Variants in ALDH1A2 observed in about 807,000 individuals in gnomAD.
ALDH1A2 encodes aldehyde dehydrogenase 1 family member A2.
ALDH1A2 carries 27 observed loss-of-function variants against 60.3 expected under a neutral mutation model. The observed-to-expected ratio is 0.45, with a 90% confidence interval of 0.33 to 0.62. The LOEUF (loss-of-function observed/expected upper bound fraction) is 0.62, where lower values mean the gene tolerates loss of function less well. ALDH1A2 is among the 20% of genes least tolerant of loss of function. ALDH1A2 has a pLI of 0.02. For synonymous variants in ALDH1A2, 289 were observed against 232.4 expected (o/e 1.24, Z -2.21); for missense variants, 581 against 643.8 (o/e 0.90, Z 1.06).
chr15:58,045,113 A>C (rs112754014), intron 1 of ALDH1A2, among the ~76,000 whole-genome samples: 8 of 152,140 alleles, frequency 5.3e-5, no homozygotes, highest in African/African-American at 1.9e-4. Context: ...TCTCGAAAGA[A>C]GACATTTATG....
Position 58,065,531 on chromosome 15 carries a change from T to C in ALDH1A2, c.117+3A>G, listed in dbSNP as rs1378275778. On this transcript the variant is annotated splice_donor_region_variant and intron_variant, in intron 1 of 12. Coordinates refer to ENST00000249750, the MANE Select transcript of ALDH1A2 (RefSeq NM_003888.4). ...GGACGACGGGCGCTGGGCGGCCGCT[T>C]ACCTTGGTGTACTTAATTTCGAGAT... 1.9e-6 allele frequency: 3 copies of C among 1,611,520 alleles called. No individual in the cohort carries two copies. The highest frequency in any genetic ancestry group is 1.7e-5 in the Admixed American group (1 of 60,012).
At position 57,963,915 on chromosome 15, in the gene ALDH1A2, G is replaced by A; in HGVS notation, c.1056C>T (p.Pro352=). ...ERAKRRVVGS[P]FDPTTEQGPQ... ...GACCCTGCTCAGTGGTGGGGTCAAA[G>A]GGACTCCCCACTACGCGCCTCTTGG... The change falls in exon 9 of 13, where the codon CCC becomes CCT. Residue 352 remains proline (P), a synonymous_variant. Coordinates refer to ENST00000249750, the MANE Select transcript of ALDH1A2 (RefSeq NM_003888.4). 2 of 1,614,158 alleles carry A rather than the reference G, an allele frequency of 1.2e-6. No homozygotes were observed. Among genetic ancestry groups the A allele is most frequent in the Admixed American group, 1.7e-5 (1 of 60,016 alleles).
chr15:58,000,899 G>A (rs1385853226), intron 4 of ALDH1A2, among the ~76,000 whole-genome samples: 15 of 151,772 alleles, frequency 9.9e-5, no homozygotes, highest in African/African-American at 3.4e-4. Context: ...GTATTATGAT[G>A]CCCTATGGTT....
At chr15:58,039,214 T>G (rs1397367770) in intron 1 of ALDH1A2, among the ~76,000 whole-genome samples, 1 of 151,770 alleles carries the variant, frequency 6.6e-6, no homozygotes, top group African/African-American at 2.4e-5. Flanking sequence ...CGATGACACA[T>G]AGCAAGAACC....
rs541582193 is a variant in ALDH1A2, at chr15:57,973,457, C to T, written c.799-7630G>A. ...AGGTCCCATCTCCCTAAGGTAATCA[C>T]AGCAGAAGCCATGTTCTAATCCATA... On this transcript the variant is annotated intron_variant, in intron 7 of 12. Coordinates refer to ENST00000249750, the MANE Select transcript of ALDH1A2 (RefSeq NM_003888.4). 2.6e-5 allele frequency among the ~76,000 whole-genome samples: 4 copies of T among 152,312 alleles called. No individual in the cohort carries two copies. The East Asian group carries it at 7.7e-4, about 29-fold the overall frequency.
chr15:58,019,733 A>G (rs1202043927), intron 1 of ALDH1A2, among the ~76,000 whole-genome samples: 2 of 152,212 alleles, frequency 1.3e-5, no homozygotes, highest in African/African-American at 4.8e-5. Context: ...TTGGTTTTAA[A>G]AAGACAGAAT....
At chr15:57,959,522 ATATAACAC>A (rs1245177735) in intron 12 of ALDH1A2, among the ~76,000 whole-genome samples, 1 of 152,170 alleles carries the variant, frequency 6.6e-6, no homozygotes, top group African/African-American at 2.4e-5. Flanking sequence ...GGAATCATCT[ATATAACAC>A]TAATCTGCTT....
intron 1 of ALDH1A2, among the ~76,000 whole-genome samples, chr15:58,050,499 C>T (rs1469291068): frequency 6.6e-6 from 1 of 152,114 alleles, no homozygotes; most frequent in African/African-American, 2.4e-5. Context: ...CTTCAAATTT[C>T]ACTAAAAATC....
At chr15:57,987,361 ACAAT>A (rs1390213218) in intron 7 of ALDH1A2, among the ~76,000 whole-genome samples, 2 of 152,240 alleles carry the variant, frequency 1.3e-5, no homozygotes, top group African/African-American at 4.8e-5. Flanking sequence ...AAAGTACATC[ACAAT>A]CAAATTGCTG....
intron 1 of ALDH1A2, among the ~76,000 whole-genome samples, chr15:58,061,634 A>G (rs1172225472): frequency 1.3e-5 from 2 of 148,742 alleles, no homozygotes; most frequent in East Asian, 3.9e-4. Context: ...AAACGGAACA[A>G]AACGATGAAA....
intron 4 of ALDH1A2, among the ~76,000 whole-genome samples, chr15:58,003,159 A>G (rs1157894202): frequency 6.6e-6 from 1 of 151,864 alleles, no homozygotes; most frequent in Non-Finnish European, 1.5e-5. Context: ...GATCAGCCTT[A>G]GGGATCCCTG....
intron 1 of ALDH1A2, among the ~76,000 whole-genome samples, chr15:58,040,199 C>T (rs1273029564): frequency 6.6e-6 from 1 of 151,952 alleles, no homozygotes; most frequent in Admixed American, 6.6e-5. Flanking sequence ...CAGAACACCT[C>T]TCTGCATATT....
At chr15:57,998,230 G>A (rs1895133441) in intron 4 of ALDH1A2, among the ~76,000 whole-genome samples, 1 of 151,992 alleles carries the variant, frequency 6.6e-6, no homozygotes, top group South Asian at 2.1e-4. Flanking sequence ...GAAATAAAGG[G>A]CATTCAAATA....
chr15:57,954,924 A>T lies in ALDH1A2; in HGVS notation c.*273T>A, dbSNP rs1422929796. ...TTATTTCATCCTGTGCTCCAGAAGG[A>T]GATACTGGATGTGTCTGCTAGCTCC... On this transcript the variant is annotated 3_prime_UTR_variant, in exon 13 of 13. Coordinates refer to ENST00000249750, the MANE Select transcript of ALDH1A2 (RefSeq NM_003888.4). 5.6e-6 allele frequency: 3 copies of T among 539,438 alleles called. No homozygotes were observed. The highest frequency in any genetic ancestry group is 6.5e-5 in the East Asian group (2 of 30,904). The allele number at this position is 539,438 out of a possible 1,614,324, so 33.4% of individuals were successfully genotyped here.
chr15:57,985,459 C>T (rs1416692914), intron 7 of ALDH1A2, among the ~76,000 whole-genome samples: 1 of 152,144 alleles, frequency 6.6e-6, no homozygotes, highest in Non-Finnish European at 1.5e-5. Flanking sequence ...ATTTAATTCC[C>T]ATGACCCTGA....
chr15:58,006,079 A>G (rs9635348), intron 4 of ALDH1A2, among the ~76,000 whole-genome samples: 134,167 of 151,508 alleles, frequency 0.89, 60,702 homozygotes, highest in East Asian at 1. Flanking sequence ...TGGTTACATG[A>G]ATAAGTTCTT....
chr15:58,032,789 A>AACACACAC (rs59226967), intron 1 of ALDH1A2, among the ~76,000 whole-genome samples: 12 of 149,292 alleles, frequency 8.0e-5, no homozygotes, highest in African/African-American at 1.7e-4. Context: ...AGTGCCCCTC[A>AACACACAC]ACACACACAC....
At chr15:58,054,006 A>G (rs576400034) in intron 1 of ALDH1A2, among the ~76,000 whole-genome samples, 1 of 152,286 alleles carries the variant, frequency 6.6e-6, no homozygotes, top group Non-Finnish European at 1.5e-5. Context: ...AGTAATTACT[A>G]AATTCTCAGG....
chr15:58,060,739 T>C (rs184353344), intron 1 of ALDH1A2, among the ~76,000 whole-genome samples: 14 of 152,320 alleles, frequency 9.2e-5, no homozygotes, highest in East Asian at 3.9e-4. Context: ...ATGAGTGCAG[T>C]TGTGTTACAA....
Sources: allele counts gnomAD v4.1 joint callset (sites outside exome capture counted in the v4.1 genomes callset), GRCh38; gene constraint gnomAD v4.1.1; transcripts MANE v1.5; gene names NCBI Gene and HGNC (gene_info 2026-07-23, HGNC 2026-07-21).